Variants in PCDHGA2 observed in about 807,000 individuals in gnomAD.
PCDHGA2 encodes protocadherin gamma-A2.
Under a neutral mutation model 59.2 loss-of-function variants are expected in PCDHGA2, and 40 were observed. The ratio of observed to expected loss-of-function variants is 0.68; its 90% CI spans 0.52 to 0.88. PCDHGA2 has a LOEUF of 0.88. PCDHGA2 is among the 40% of genes least tolerant of loss of function. The pLI is 0.00. For missense variants in PCDHGA2, 1,226 were observed against 1,204.0 expected, an observed-to-expected ratio of 1.02 and a Z score of -0.27; for synonymous variants, 560 against 526.0, an observed-to-expected ratio of 1.06 and a Z score of -0.89.
intron 1 of PCDHGA2, among the ~76,000 whole-genome samples, chr5:141,373,240 T>C (rs1021689504): frequency 2.6e-5 from 4 of 152,230 alleles, no homozygotes; most frequent in African/African-American, 9.6e-5. Context: ...TATTTTTACT[T>C]CCCTTTGCAT....
intron 1 of PCDHGA2, chr5:141,420,545 A>G: frequency 3.5e-6 from 1 of 289,066 alleles, no homozygotes; most frequent in Non-Finnish European, 6.2e-6. Flanking sequence ...TATAAAATAC[A>G]GGTATATTTT....
intron 1 of PCDHGA2, among the ~76,000 whole-genome samples, chr5:141,406,261 C>T (rs2154537343): frequency 6.6e-6 from 1 of 152,132 alleles, no homozygotes; most frequent in African/African-American, 2.4e-5. Flanking sequence ...CTCAAACGAT[C>T]TTCCTGCTTC....
At chr5:141,443,059 A>G (rs148799842) in intron 1 of PCDHGA2, among the ~76,000 whole-genome samples, 145 of 152,348 alleles carry the variant, frequency 9.5e-4, no homozygotes, top group African/African-American at 3.3e-3. Context: ...GTTCCACTGA[A>G]GAGCGTCTTA....
chr5:141,450,052 G>C (rs2098667259), intron 1 of PCDHGA2, among the ~76,000 whole-genome samples: 1 of 141,832 alleles, frequency 7.1e-6, no homozygotes, highest in African/African-American at 2.7e-5. Flanking sequence ...TTTCGCCCAG[G>C]CTGGAATGCA....
chr5:141,413,372 G>T lies in PCDHGA2; in HGVS notation c.2424+71977G>T, dbSNP rs760934804. ...CTGGCGCCCCGGGAGCTGGCGGAGCGCGGAGTCCGCATAGTCTCCAGAGGT... is the reference window on the plus strand; with the variant it reads ...CTGGCGCCCCGGGAGCTGGCGGAGCTCGGAGTCCGCATAGTCTCCAGAGGT... On this transcript the variant is annotated intron_variant, in intron 1 of 3. Transcript: ENST00000394576. The T allele has an allele frequency of 1.9e-6, 3 of 1,613,950 alleles. No individual in the cohort carries two copies. The South Asian group carries it at 3.3e-5, about 18-fold the overall frequency.
chr5:141,377,969 A>G (rs1165356824), intron 1 of PCDHGA2: 1 of 152,202 alleles, frequency 6.6e-6, no homozygotes, highest in African/African-American at 2.4e-5. Context: ...ACTTGAATCT[A>G]TGTTCCTGGG....
intron 1 of PCDHGA2, chr5:141,399,694 A>G (rs1467163302): frequency 1.9e-6 from 3 of 1,613,454 alleles, no homozygotes; most frequent in Admixed American, 1.7e-5. Flanking sequence ...GCAGCTGCGC[A>G]CCTTCGAACT....
At chr5:141,448,021 G>A (rs1376525971) in intron 1 of PCDHGA2, among the ~76,000 whole-genome samples, 2 of 152,050 alleles carry the variant, frequency 1.3e-5, no homozygotes, top group African/African-American at 4.8e-5. Context: ...AGGAGGTGGA[G>A]GTTGCAGTGA....
At position 141,501,290 on chromosome 5, in the gene PCDHGA2, TACACACACACAC is replaced by T. The variant is rs55762287; in HGVS notation, c.2484-4070_2484-4059del. Among the ~76,000 whole-genome samples, 15 of 136,248 alleles carry T rather than the reference TACACACACACAC, an allele frequency of 1.1e-4. No homozygotes were observed. The South Asian group carries it at 1.2e-3, about 11-fold the overall frequency. The allele number at this position is 136,248 out of a possible 152,430, so 89.4% of individuals were successfully genotyped here. A position where few individuals can be genotyped will look rare whatever the true frequency, so the allele number is the denominator to read the frequency against. ...GTCCAGTCTATGGGATATTCCCTTA[TACACACACACAC>T]ACACACACACACACACACACACACA... On this transcript the variant is annotated intron_variant, in intron 2 of 3. Transcript: ENST00000394576.
intron 1 of PCDHGA2, among the ~76,000 whole-genome samples, chr5:141,407,809 T>C (rs2094984510): frequency 6.6e-6 from 1 of 152,228 alleles, no homozygotes; most frequent in South Asian, 2.1e-4. Flanking sequence ...TAGAAATATC[T>C]ACTATAATAT....
chr5:141,388,743 A>G (rs1228676619), intron 1 of PCDHGA2: 1 of 1,613,916 alleles, frequency 6.2e-7, no homozygotes, highest in Non-Finnish European at 8.5e-7. Context: ...AGCTAGCCAG[A>G]TCACCCAATT....
chr5:141,417,644 AG>A, intron 1 of PCDHGA2: 1 of 779,202 alleles, frequency 1.3e-6, no homozygotes, highest in South Asian at 2.1e-5. Flanking sequence ...GGGATCCCTC[AG>A]CCTCTAGCCT....
chr5:141,439,459 A>T (rs558086952), intron 1 of PCDHGA2, among the ~76,000 whole-genome samples: 1 of 152,340 alleles, frequency 6.6e-6, no homozygotes, highest in African/African-American at 2.4e-5. Flanking sequence ...GCAAGACTGC[A>T]CTGCTGCCTT....
At chr5:141,386,087 A>G (rs1331014845) in intron 1 of PCDHGA2, 2 of 152,268 alleles carry the variant, frequency 1.3e-5, no homozygotes, top group Non-Finnish European at 2.9e-5. Context: ...TGGTACAGCC[A>G]GATGAAGTGT....
chr5:141,501,292 C>CACAT (rs200296563), intron 2 of PCDHGA2, among the ~76,000 whole-genome samples: 14,029 of 50,334 alleles, frequency 0.28, 723 homozygotes, highest in Admixed American at 0.4. Flanking sequence ...TTCCCTTATA[C>CACAT]ACACACACAC....
At chr5:141,423,749 T>TTG (rs1249843775) in intron 1 of PCDHGA2, 127 of 272,264 alleles carry the variant, frequency 4.7e-4, no homozygotes, top group South Asian at 6.4e-4. Context: ...TGAAAACTGT[T>TTG]TGGGGGGGGG....
chr5:141,375,125 G>C (rs376049572), intron 1 of PCDHGA2: 128 of 1,613,766 alleles, frequency 7.9e-5, no homozygotes, highest in African/African-American at 1.3e-5. Context: ...ACCAGAAGTG[G>C]TTGTTACATC....
chr5:141,355,220 G>C (rs753002448), intron 1 of PCDHGA2: 2 of 1,607,996 alleles, frequency 1.2e-6, no homozygotes, highest in Non-Finnish European at 1.7e-6. Context: ...CCTCCTGCTC[G>C]CCCAGACCAC....
At chr5:141,353,111 A>G (rs1759191357) in intron 1 of PCDHGA2, among the ~76,000 whole-genome samples, 1 of 151,828 alleles carries the variant, frequency 6.6e-6, no homozygotes, top group African/African-American at 2.4e-5. Flanking sequence ...ATAGATGGAG[A>G]TTGCTTTCTT....
Sources: allele counts gnomAD v4.1 joint callset (sites outside exome capture counted in the v4.1 genomes callset), GRCh38; gene constraint gnomAD v4.1.1; transcripts MANE v1.5; gene names NCBI Gene and HGNC (gene_info 2026-07-23, HGNC 2026-07-21).